The following ZDHHC20 variants were observed in gnomAD, a reference collection of about 807,000 sequenced individuals.
ZDHHC20 encodes zDHHC palmitoyltransferase 20, also known as palmitoyltransferase ZDHHC20.
In ZDHHC20, 43 loss-of-function variants were observed where a neutral mutation model predicts 57.8. That is an observed-to-expected ratio of 0.74 (90% CI 0.58 to 0.96). The LOEUF is 0.96. ZDHHC20 is among the 40% of genes least tolerant of loss of function. The pLI is 0.00. For synonymous variants in ZDHHC20, 157 were observed against 153.0 expected (o/e 1.03, Z -0.19); for missense variants, 391 against 441.1 (o/e 0.89, Z 1.02).
chr13:21,407,200 T>C (rs2137826880), intron 4 of ZDHHC20, among the ~76,000 whole-genome samples: 1 of 152,272 alleles, frequency 6.6e-6, no homozygotes, highest in South Asian at 2.1e-4. Context: ...TTCACCATGT[T>C]GGTCAGGCTG....
chr13:21,404,708 C>G (rs1036497133), intron 4 of ZDHHC20, among the ~76,000 whole-genome samples: 2 of 150,676 alleles, frequency 1.3e-5, no homozygotes, highest in Admixed American at 1.3e-4. Flanking sequence ...GAGCTGAGAT[C>G]GCGCCACTGC....
intron 4 of ZDHHC20, among the ~76,000 whole-genome samples, chr13:21,407,702 A>G (rs1224261555): frequency 1.3e-5 from 2 of 152,216 alleles, no homozygotes; most frequent in Non-Finnish European, 2.9e-5. Flanking sequence ...CCATGCATAT[A>G]TCCTGAATGG....
rs1480279957 is a variant in ZDHHC20, at chr13:21,375,909, T to C, written c.*787A>G. The C allele has an allele frequency of 6.6e-6, 1 of 152,178 alleles. No homozygotes were observed. The highest frequency in any genetic ancestry group is 1.9e-4 in the East Asian group (1 of 5,196). 9.4% of individuals were successfully genotyped at this position (152,178 alleles called of 1,614,324 possible). ...ATGTACCTTTGTGTTTCTCTGCCCA[T>C]GTACATACCCCTGAAAGTTCAACAA... On this transcript the variant is annotated 3_prime_UTR_variant, in exon 13 of 13. Coordinates refer to ENST00000400590, the MANE Select transcript of ZDHHC20 (RefSeq NM_001330059.2).
Position 21,381,563 on chromosome 13 carries a change from C to T in ZDHHC20, c.945-14G>A. The stretch of plus-strand genomic sequence containing the variant: ...TTTGAGCCACTACTGAAAAGAAGAG[C>T]AAACAACTTAGTAAACAGCTTAATG... On this transcript the variant is annotated splice_polypyrimidine_tract_variant and intron_variant, in intron 10 of 12. Coordinates refer to ENST00000400590, the MANE Select transcript of ZDHHC20 (RefSeq NM_001330059.2). 6.4e-7 allele frequency: 1 copy of T among 1,573,342 alleles called. No individual in the cohort carries two copies. Among genetic ancestry groups the T allele is most frequent in the Non-Finnish European group, 8.7e-7 (1 of 1,144,476 alleles).
At chr13:21,420,540 G>C (rs1880532836) in intron 3 of ZDHHC20, among the ~76,000 whole-genome samples, 1 of 152,194 alleles carries the variant, frequency 6.6e-6, no homozygotes, top group South Asian at 2.1e-4. Context: ...GGAGAGGTAA[G>C]AGAGACACTG....
At chr13:21,426,607 CTTT>C (rs778269073) in intron 1 of ZDHHC20, among the ~76,000 whole-genome samples, 6 of 135,338 alleles carry the variant, frequency 4.4e-5, no homozygotes, top group Non-Finnish European at 7.8e-5. Flanking sequence ...TTCTCCTTTT[CTTT>C]TTTTTTTTTT....
At chr13:21,424,476 G>A (rs1254808880) in intron 2 of ZDHHC20, among the ~76,000 whole-genome samples, 2 of 152,204 alleles carry the variant, frequency 1.3e-5, no homozygotes, top group African/African-American at 4.8e-5. Flanking sequence ...TTGGAAGGCA[G>A]AGGCAGGCGA....
chr13:21,386,408 CCATAATCAAATTG>C (rs71093305), intron 9 of ZDHHC20, among the ~76,000 whole-genome samples: 21 of 152,218 alleles, frequency 1.4e-4, no homozygotes, highest in Non-Finnish European at 2.8e-4. Flanking sequence ...TCAAGATATA[CCATAATCAAATTG>C]CATGAAGTAG....
intron 1 of ZDHHC20, 51 bp downstream of exon 1, chr13:21,459,003 C>A (rs1335216331): frequency 1.4e-6 from 2 of 1,462,246 alleles, no homozygotes; most frequent in African/African-American, 2.9e-5. Context: ...GCCTATCTCG[C>A]GCCCTAGCCG....
At chr13:21,412,113 C>T (rs115893190) in intron 4 of ZDHHC20, among the ~76,000 whole-genome samples, 1 of 152,160 alleles carries the variant, frequency 6.6e-6, no homozygotes, top group Non-Finnish European at 1.5e-5. Context: ...TCTGAAACAA[C>T]AGGAAGGGTG....
intron 4 of ZDHHC20, among the ~76,000 whole-genome samples, chr13:21,413,201 A>G (rs1879468375): frequency 6.6e-6 from 1 of 152,154 alleles, no homozygotes; most frequent in Admixed American, 6.5e-5. Context: ...CTGAGTTCAC[A>G]GCCTGACTCT....
rs186585071 is a variant in ZDHHC20, at chr13:21,423,573, C to T, written c.145+2079G>A. 1.1e-4 allele frequency among the ~76,000 whole-genome samples: 16 copies of T among 152,014 alleles called. No individual in the cohort carries two copies. In the East Asian group the frequency reaches 3.1e-3, roughly 29 times the overall value. On this transcript the variant is annotated intron_variant, in intron 2 of 12. Transcript: ENST00000400590. ...CTTGTAATCTCAGCTACTTGGTAGG[C>T]TGAGGTGGGAGGATCGCCTAAACCT...
intron 1 of ZDHHC20, among the ~76,000 whole-genome samples, chr13:21,455,161 C>A (rs546366326): frequency 1.9e-4 from 29 of 152,102 alleles, no homozygotes; most frequent in Non-Finnish European, 4.0e-4. Context: ...CCTCGTGATC[C>A]GCCTGCCTTG....
At chr13:21,392,401 A>C (rs539414278) in intron 7 of ZDHHC20, among the ~76,000 whole-genome samples, 47 of 152,334 alleles carry the variant, frequency 3.1e-4, no homozygotes, top group African/African-American at 1.1e-3. Flanking sequence ...CTAACTAAAA[A>C]CTAATTGTGA....
chr13:21,410,249 C>T (rs1879024771), intron 4 of ZDHHC20, among the ~76,000 whole-genome samples: 5 of 152,188 alleles, frequency 3.3e-5, no homozygotes, highest in Admixed American at 3.3e-4. Context: ...CCTGCTCCTT[C>T]CTCTGGAAGC....
At chr13:21,436,866 A>G (rs1316389918) in intron 1 of ZDHHC20, among the ~76,000 whole-genome samples, 1 of 152,250 alleles carries the variant, frequency 6.6e-6, no homozygotes, top group African/African-American at 2.4e-5. Context: ...AAGTTAGCCA[A>G]GTTGTGAATG....
At chr13:21,458,216 G>A (rs1192139637) in intron 1 of ZDHHC20, among the ~76,000 whole-genome samples, 1 of 152,148 alleles carries the variant, frequency 6.6e-6, no homozygotes, top group Non-Finnish European at 1.5e-5. Flanking sequence ...AAGCCAGTAG[G>A]TTAAATCCTT....
chr13:21,440,079 A>G (rs1207358342), intron 1 of ZDHHC20, among the ~76,000 whole-genome samples: 22 of 29,350 alleles, frequency 7.5e-4, no homozygotes, highest in African/African-American at 1.9e-3. Flanking sequence ...AAAAAAAAAA[A>G]AAAAAAAAAA....
chr13:21,457,481 T>G (rs1374966065), intron 1 of ZDHHC20, among the ~76,000 whole-genome samples: 4 of 152,156 alleles, frequency 2.6e-5, no homozygotes, highest in African/African-American at 9.7e-5. Flanking sequence ...ATCTAGTAAT[T>G]TTAATTGACT....
Sources: allele counts gnomAD v4.1 joint callset (sites outside exome capture counted in the v4.1 genomes callset), GRCh38; gene constraint gnomAD v4.1.1; transcripts MANE v1.5; gene names NCBI Gene and HGNC (gene_info 2026-07-23, HGNC 2026-07-21).